Variants in MAF observed in about 807,000 individuals in gnomAD.
MAF encodes transcription factor Maf.
A neutral mutation model predicts 22.0 loss-of-function variants in MAF; 10 were observed. That is an observed-to-expected ratio of 0.45 (90% confidence interval 0.28 to 0.77). MAF has a LOEUF of 0.77. Among genes scored for constraint, MAF ranks in the 30% least tolerant of loss-of-function variants. MAF has a pLI of 0.12. For missense variants in MAF, 544 were observed against 548.4 expected, an observed-to-expected ratio of 0.99 and a Z score of 0.08; for synonymous variants, 337 against 255.8, an observed-to-expected ratio of 1.32 and a Z score of -3.03.
the MAF span, among the ~76,000 whole-genome samples, chr16:79,426,185 G>C: frequency 6.7e-6 from 1 of 148,276 alleles, no homozygotes; most frequent in Non-Finnish European, 1.5e-5. Context: ...CAGCCTGGGC[G>C]AGAGAGCGAG....
chr16:79,211,564 C>A, the MAF span: 1 of 1,613,546 alleles, frequency 6.2e-7, no homozygotes, highest in Non-Finnish European at 8.5e-7. Context: ...TCTCATCACT[C>A]CTTTTCTTAA....
chr16:79,390,007 A>C, the MAF span, among the ~76,000 whole-genome samples: 1 of 150,778 alleles, frequency 6.6e-6, no homozygotes, highest in African/African-American at 2.4e-5. Flanking sequence ...AAAAAAATTA[A>C]AATAAAAAAA....
chr16:79,361,433 T>C, the MAF span, among the ~76,000 whole-genome samples: 7 of 152,204 alleles, frequency 4.6e-5, no homozygotes, highest in African/African-American at 1.7e-4. Context: ...CTAAGGAGGC[T>C]GAGGCATGGT....
the MAF span, among the ~76,000 whole-genome samples, chr16:79,307,403 G>T: frequency 6.6e-6 from 1 of 152,188 alleles, no homozygotes; most frequent in African/African-American, 2.4e-5. Context: ...TGAGCTCACG[G>T]GCTGGACTTC....
At chr16:79,381,114 A>C in the MAF span, among the ~76,000 whole-genome samples, 6 of 152,260 alleles carry the variant, frequency 3.9e-5, no homozygotes, top group African/African-American at 1.4e-4. Context: ...CTTTGCATTC[A>C]TCAGCCAGCA....
chr16:79,339,935 T>G, the MAF span, among the ~76,000 whole-genome samples: 8 of 152,298 alleles, frequency 5.3e-5, no homozygotes, highest in East Asian at 1.9e-4. Context: ...TTTAGCAAGT[T>G]CTTCAATTTA....
At chr16:79,259,483 T>G in the MAF span, among the ~76,000 whole-genome samples, 2 of 152,098 alleles carry the variant, frequency 1.3e-5, no homozygotes, top group Admixed American at 1.3e-4. Flanking sequence ...CCCCCACCAC[T>G]AGGAGGTGGC....
At chr16:79,530,917 C>A in the MAF span, among the ~76,000 whole-genome samples, 6 of 152,162 alleles carry the variant, frequency 3.9e-5, no homozygotes. Flanking sequence ...CCAGCCAGAT[C>A]CTGTGTCTTT....
At chr16:79,489,235 A>G in the MAF span, among the ~76,000 whole-genome samples, 1 of 152,008 alleles carries the variant, frequency 6.6e-6, no homozygotes, top group South Asian at 2.1e-4. Flanking sequence ...TTGCCCATCC[A>G]TCTACTCATC....
At chr16:79,211,927 C>T in the MAF span, 1 of 1,539,276 alleles carries the variant, frequency 6.5e-7, no homozygotes. Context: ...AGAGCAGTCA[C>T]AACAGAGTGA....
the MAF span, among the ~76,000 whole-genome samples, chr16:79,509,090 TG>T: frequency 6.6e-6 from 1 of 152,366 alleles, no homozygotes; most frequent in East Asian, 1.9e-4. Flanking sequence ...TTTATATCTC[TG>T]TTTATCTCCT....
the MAF span, among the ~76,000 whole-genome samples, chr16:79,390,906 G>A: frequency 6.6e-6 from 1 of 152,182 alleles, no homozygotes; most frequent in Non-Finnish European, 1.5e-5. Context: ...AAGGCCATCT[G>A]CTTTCCCTGA....
the MAF span, among the ~76,000 whole-genome samples, chr16:79,544,772 C>CAAAAAAA: frequency 8.8e-6 from 1 of 113,618 alleles, no homozygotes; most frequent in Non-Finnish European, 1.8e-5. Context: ...GGCTCTGTCT[C>CAAAAAAA]AAAAAAAAAA....
At chr16:79,473,937 G>C in the MAF span, among the ~76,000 whole-genome samples, 1 of 152,270 alleles carries the variant, frequency 6.6e-6, no homozygotes, top group South Asian at 2.1e-4. Context: ...GGGATTGGGG[G>C]TTATGGTTTA....
chr16:79,273,811 C>A, the MAF span, among the ~76,000 whole-genome samples: 2 of 152,078 alleles, frequency 1.3e-5, no homozygotes, highest in African/African-American at 4.8e-5. Flanking sequence ...CTTTAATTTC[C>A]CCTTGCAATT....
the MAF span, among the ~76,000 whole-genome samples, chr16:79,246,163 A>C: frequency 6.6e-6 from 1 of 152,156 alleles, no homozygotes; most frequent in African/African-American, 2.4e-5. Context: ...CTGTGGAACA[A>C]ACCTGCACAT....
At chr16:79,239,797 T>C in the MAF span, among the ~76,000 whole-genome samples, 777 of 152,124 alleles carry the variant, frequency 5.1e-3, 13 homozygotes, top group Admixed American at 0.024. Flanking sequence ...AAAATATCTA[T>C]TGACTGAGCA....
chr16:79,599,292 C>A lies in MAF; in HGVS notation c.611G>T (p.Gly204Val), dbSNP rs867401075. 2,193 of 979,642 alleles carry A rather than the reference C, an allele frequency of 2.2e-3. 35 individuals are homozygous for A. In the African/African-American group the frequency reaches 0.035, roughly 15 times the overall value. 60.7% of individuals were successfully genotyped at this position (979,642 alleles called of 1,614,324 possible). ...HPTAGAPGAAGSAAASAGGAG... is the reference protein window; with the variant it reads ...HPTAGAPGAAVSAAASAGGAG... The stretch of plus-strand genomic sequence containing the variant: ...GCCACCGGCCGAGGCGGCCGCGCTG[C>A]CCGCGGCGCCGGGCGCGCCGGCCGT... The change falls in exon 1 of 2, where the codon GGC (glycine) becomes GTC (valine). Residue 204 changes from glycine (G) to valine (V), a missense_variant. Gly to Val is a moderately radical substitution (Grantham distance 109). Coordinates refer to ENST00000326043, the MANE Select transcript of MAF (RefSeq NM_005360.5).
chr16:79,535,981 C>T, the MAF span, among the ~76,000 whole-genome samples: 1 of 152,134 alleles, frequency 6.6e-6, no homozygotes, highest in African/African-American at 2.4e-5. Flanking sequence ...TCTTTTCTCC[C>T]ACAGTTGGCA....
Sources: allele counts gnomAD v4.1 joint callset (sites outside exome capture counted in the v4.1 genomes callset), GRCh38; gene constraint gnomAD v4.1.1; transcripts MANE v1.5; gene names NCBI Gene and HGNC (gene_info 2026-07-23, HGNC 2026-07-21).